Variants in PDSS1 observed in about 807,000 individuals in gnomAD.
The protein encoded by PDSS1 is decaprenyl diphosphate synthase subunit 1.
PDSS1 carries 43 observed loss-of-function variants against 57.5 expected under a neutral mutation model. The ratio of observed to expected loss-of-function variants is 0.75; its 90% CI spans 0.59 to 0.96. PDSS1 has a LOEUF of 0.96. Ranked by LOEUF, PDSS1 falls within the 50% of genes least tolerant of loss-of-function variation. PDSS1 has a pLI of 0.00. For synonymous variants in PDSS1, 175 were observed against 191.3 expected, an observed-to-expected ratio of 0.91 and a Z score of 0.70; for missense variants, 438 against 527.8, an observed-to-expected ratio of 0.83 and a Z score of 1.67.
chr10:26,703,313 T>C (rs1423371379), intron 2 of PDSS1, among the ~76,000 whole-genome samples: 1 of 149,542 alleles, frequency 6.7e-6, no homozygotes, highest in African/African-American at 2.4e-5. Context: ...AACTAAAAAG[T>C]TATTCAGTTA....
Position 26,712,247 on chromosome 10 carries a change from G to A in PDSS1, c.467+2479G>A, listed in dbSNP as rs1156642570. Among the ~76,000 whole-genome samples the A allele has an allele frequency of 9.1e-5, 9 of 99,108 alleles. 3 individuals are homozygous for A. The highest frequency in any genetic ancestry group is 2.4e-4 in the Admixed American group (2 of 8,334). 65.0% of individuals were successfully genotyped at this position (99,108 alleles called of 152,430 possible). The stretch of plus-strand genomic sequence containing the variant: ...AACACCTGGCCTCAGGTGATTCACC[G>A]GCCTTGGCCTCCCAAAGTGCTGGGA... On this transcript the variant is annotated intron_variant, in intron 5 of 11. Transcript: ENST00000376215.
intron 4 of PDSS1, among the ~76,000 whole-genome samples, chr10:26,709,112 T>C (rs1835336955): frequency 6.6e-6 from 1 of 152,202 alleles, no homozygotes; most frequent in South Asian, 2.1e-4. Flanking sequence ...GTACCTGTTC[T>C]AGCATTCAGG....
At chr10:26,714,110 C>G (rs1835482493) in intron 5 of PDSS1, among the ~76,000 whole-genome samples, 1 of 152,116 alleles carries the variant, frequency 6.6e-6, no homozygotes, top group South Asian at 2.1e-4. Flanking sequence ...AGTCTGCCTC[C>G]TGCAGAACCT....
Position 26,716,406 on chromosome 10 carries a change from AT to A in PDSS1, c.468-3805del, listed in dbSNP as rs201811609. 5.3e-3 allele frequency among the ~76,000 whole-genome samples: 805 copies of A among 152,164 alleles called. 34 individuals are homozygous for A. Among genetic ancestry groups the A allele is most frequent in the Admixed American group, 0.05 (758 of 15,264 alleles). On this transcript the variant is annotated intron_variant, in intron 5 of 11. Transcript: ENST00000376215. ...TTTGAAACTCTTCATTATTAAAAAA[AT>A]TTTTTTGGCCGGGTGCGGTGGCTCA...
chr10:26,697,974 C>G, intron 1 of PDSS1, 134 bp downstream of exon 1: 1 of 805,270 alleles, frequency 1.2e-6, no homozygotes, highest in Non-Finnish European at 1.6e-6. Flanking sequence ...GGGGTAGCTC[C>G]GGGGTGGGAC....
intron 10 of PDSS1, among the ~76,000 whole-genome samples, chr10:26,738,673 C>G (rs191411246): frequency 6.6e-6 from 1 of 152,158 alleles, no homozygotes; most frequent in Non-Finnish European, 1.5e-5. Flanking sequence ...GAACACTGGA[C>G]CAGGACAAGC....
At chr10:26,705,476 A>C in intron 4 of PDSS1, 82 bp downstream of exon 4, 1 of 571,012 alleles carries the variant, frequency 1.8e-6, no homozygotes, top group Non-Finnish European at 2.9e-6. Flanking sequence ...TATTCTTATA[A>C]TTATTATTAT....
At chr10:26,745,480 G>A (rs902597702) in intron 11 of PDSS1, among the ~76,000 whole-genome samples, 2 of 152,112 alleles carry the variant, frequency 1.3e-5, no homozygotes, top group African/African-American at 2.4e-5. Flanking sequence ...ATGATGAGGC[G>A]GCACATTGTG....
At position 26,697,835 on chromosome 10, in the gene PDSS1, G is replaced by T; in HGVS notation, c.124G>T (p.Ala42Ser). 1 of 1,338,508 alleles carries T rather than the reference G, an allele frequency of 7.5e-7. No homozygotes were observed. The highest frequency in any genetic ancestry group is 3.2e-5 in the East Asian group (1 of 31,218). 82.9% of individuals were successfully genotyped at this position (1,338,508 alleles called of 1,614,324 possible). ...GCCGAGCGCCGCTGCCGAAGTCCGC[G>T]CGCAGGTGAGGTTGGGAGGCGCGCG... is the stretch of plus-strand genomic sequence containing the variant. ...LGPSAAAEVR[A>S]QVHRRKGLDL... Residue 42 changes from alanine (A) to serine (S), a missense_variant, in exon 1 of 12, where the codon GCG becomes TCG. Physicochemically the swap from Ala to Ser is moderately conservative, Grantham distance 99. Around this residue, in one of 2 missense-constraint regions of PDSS1, gnomAD observed 154 missense variants for 137.0 expected, o/e 1.12. Transcript: ENST00000376215.
chr10:26,729,919 T>G (rs892920175), intron 8 of PDSS1, among the ~76,000 whole-genome samples: 46 of 123,062 alleles, frequency 3.7e-4, no homozygotes, highest in African/African-American at 1.4e-3. Flanking sequence ...TTTTTTTTTT[T>G]TTTTTTTTTT....
chr10:26,734,386 G>T (rs1268769025), intron 8 of PDSS1, among the ~76,000 whole-genome samples: 3 of 152,180 alleles, frequency 2.0e-5, no homozygotes, highest in African/African-American at 7.2e-5. Flanking sequence ...AACACAGACC[G>T]TCTCTCCCCT....
At chr10:26,720,409 T>C (rs1393137683) in intron 6 of PDSS1, 50 bp downstream of exon 6, 1 of 1,160,820 alleles carries the variant, frequency 8.6e-7, no homozygotes, top group East Asian at 2.3e-5. Flanking sequence ...TCACACACTT[T>C]TCGGACCGCA....
At position 26,709,742 on chromosome 10, in the gene PDSS1, A is replaced by C; in HGVS notation, c.441A>C (p.Ala147=). 6.2e-7 allele frequency: 1 copy of C among 1,614,050 alleles called. No homozygotes were observed. The highest frequency in any genetic ancestry group is 8.5e-7 in the Non-Finnish European group (1 of 1,179,930). Residue 147 remains alanine, a synonymous_variant, in exon 5 of 12, where the codon GCA becomes GCC. Coordinates refer to ENST00000376215, the MANE Select transcript of PDSS1 (RefSeq NM_014317.5). ...RPIIVALMAR[A]CNIHHNNSRH... The stretch of plus-strand genomic sequence containing the variant: ...TTATTGTGGCGCTAATGGCCCGAGC[A>C]TGCAATATTCATCATAACAACTCCC...
At chr10:26,730,276 G>T (rs1299074155) in intron 8 of PDSS1, among the ~76,000 whole-genome samples, 6 of 151,974 alleles carry the variant, frequency 3.9e-5, no homozygotes, top group African/African-American at 1.4e-4. Flanking sequence ...TCGTGTTTTG[G>T]TTTTGAGCGT....
rs1274982747 is a variant in PDSS1, at chr10:26,733,696, C to T, written c.832-1544C>T. On this transcript the variant is annotated intron_variant, in intron 8 of 11. Transcript: ENST00000376215. ...ATTATTTGTAATAATAGCAAACAGC[C>T]AGGTGCGGTGGCTCACACCTGATAA... Among the ~76,000 whole-genome samples the T allele has an allele frequency of 3.3e-5, 5 of 152,190 alleles. No homozygotes were observed. In the East Asian group the frequency reaches 9.7e-4, roughly 29 times the overall value.
intron 9 of PDSS1, 34 bp from the exon 10 acceptor site, chr10:26,735,432 G>C (rs555691508): frequency 1.0e-5 from 15 of 1,444,226 alleles, no homozygotes; most frequent in Non-Finnish European, 1.5e-5. Flanking sequence ...TTGGCATGGC[G>C]GTGCTCCTTA....
chr10:26,701,013 T>C (rs1835036184), intron 1 of PDSS1, among the ~76,000 whole-genome samples: 1 of 152,124 alleles, frequency 6.6e-6, no homozygotes, highest in Admixed American at 6.5e-5. Flanking sequence ...GAAAGTGATA[T>C]GGACGATGAA....
At position 26,742,593 on chromosome 10, in the gene PDSS1, T is replaced by G. The variant is rs757206490; in HGVS notation, c.1107+16T>G. ...TGTACTACAGGTAAGACTGTTTTTT[T>G]AAAAAAAAGGCAGCAGCAGGAACAA... On this transcript the variant is annotated intron_variant, in intron 11 of 11. Transcript: ENST00000376215. 2.0e-6 allele frequency: 3 copies of G among 1,532,228 alleles called. No individual in the cohort carries two copies. The South Asian group carries it at 3.4e-5, about 17-fold the overall frequency. 94.9% of individuals were successfully genotyped at this position (1,532,228 alleles called of 1,614,324 possible). A position where few individuals can be genotyped will look rare whatever the true frequency, so the allele number is the denominator to read the frequency against.
Position 26,713,391 on chromosome 10 carries a change from C to T in PDSS1, c.467+3623C>T, listed in dbSNP as rs536789196. 3.2e-4 allele frequency among the ~76,000 whole-genome samples: 48 copies of T among 152,144 alleles called. No homozygotes were observed. The South Asian group carries it at 7.9e-3, about 25-fold the overall frequency. ...AAGGTATATCTTAAGAAACAGAGCA[C>T]GAGGGAGAAACTACTACTTACTGAT... is the stretch of plus-strand genomic sequence containing the variant. On this transcript the variant is annotated intron_variant, in intron 5 of 11. Coordinates refer to ENST00000376215, the MANE Select transcript of PDSS1 (RefSeq NM_014317.5).
Sources: allele counts gnomAD v4.1 joint callset (sites outside exome capture counted in the v4.1 genomes callset), GRCh38; gene constraint gnomAD v4.1.1; regional missense constraint gnomAD v4.1.1; transcripts MANE v1.5; gene names NCBI Gene and HGNC (gene_info 2026-07-23, HGNC 2026-07-21).